The following LYPD6B variants were observed in gnomAD, a reference collection of about 807,000 sequenced individuals.
LYPD6B encodes the protein ly6/PLAUR domain-containing protein 6B.
A neutral mutation model predicts 22.8 loss-of-function variants in LYPD6B; 17 were observed. The observed-to-expected ratio is 0.75, with a 90% CI of 0.51 to 1.12. The LOEUF is 1.12. Among genes scored for constraint, LYPD6B ranks in the 50% most tolerant of loss-of-function variants. LYPD6B has a pLI of 0.00. For synonymous variants in LYPD6B, 106 were observed against 91.6 expected (o/e 1.16, Z -0.90); for missense variants, 221 against 258.3 (o/e 0.86, Z 0.99).
intron 1 of LYPD6B, among the ~76,000 whole-genome samples, chr2:149,093,134 G>T (rs1419341513): frequency 1.3e-5 from 2 of 152,220 alleles, no homozygotes; most frequent in African/African-American, 4.8e-5. Context: ...GGTTTGGAGG[G>T]CAGGGAGCAG....
In LYPD6B at chr2:149,050,783, T is replaced by C. The variant is rs148951659; in HGVS notation, c.-67+11982T>C. Among the ~76,000 whole-genome samples the C allele has an allele frequency of 1.5e-3, 235 of 152,352 alleles. 1 individual carries two copies. The highest frequency in any genetic ancestry group is 5.5e-3 in the African/African-American group (229 of 41,586). On this transcript the variant is annotated intron_variant, in intron 1 of 6. Transcript: ENST00000409642. ...CTGTTTTATATTTCTCTTTTTGCCTTGGCACCCAGGAAGCCCGGAGCTACA... is the reference window on the plus strand; with the variant it reads ...CTGTTTTATATTTCTCTTTTTGCCTCGGCACCCAGGAAGCCCGGAGCTACA...
In LYPD6B at chr2:149,205,422, C is replaced by T; in HGVS notation, c.229+18C>T. On this transcript the variant is annotated intron_variant, in intron 4 of 6. Transcript: ENST00000409642. Reference sequence around the variant, plus strand: ...TCTCGACCGTAAGTAGTGGTGGTTGCCATCCTAGTTCATGGCTGTGGGGCC... The same window carrying T: ...TCTCGACCGTAAGTAGTGGTGGTTGTCATCCTAGTTCATGGCTGTGGGGCC... The T allele has an allele frequency of 2.5e-6, 4 of 1,612,006 alleles. No individual in the cohort carries two copies. The highest frequency in any genetic ancestry group is 3.4e-6 in the Non-Finnish European group (4 of 1,178,938).
At chr2:149,148,603 C>T (rs1158267192) in intron 2 of LYPD6B, among the ~76,000 whole-genome samples, 9 of 152,172 alleles carry the variant, frequency 5.9e-5, no homozygotes, top group South Asian at 2.1e-4. Flanking sequence ...AGTTTCCAGA[C>T]GTGTGGTGTT....
At chr2:149,185,873 C>T (rs1418330458) in intron 3 of LYPD6B, among the ~76,000 whole-genome samples, 1 of 152,094 alleles carries the variant, frequency 6.6e-6, no homozygotes, top group African/African-American at 2.4e-5. Flanking sequence ...TTTGATGTTA[C>T]TATTGTAATT....
chr2:149,210,023 G>T (rs1693747374), intron 5 of LYPD6B, among the ~76,000 whole-genome samples: 1 of 152,102 alleles, frequency 6.6e-6, no homozygotes, highest in African/African-American at 2.4e-5. Flanking sequence ...GCTTTAAGTT[G>T]CCTTGAAAGC....
In LYPD6B at chr2:149,154,664, T is replaced by C. The variant is rs376809872; in HGVS notation, c.6-6100T>C. Among the ~76,000 whole-genome samples the C allele has an allele frequency of 4.9e-3, 620 of 125,752 alleles. 3 individuals carry two copies. The highest frequency in any genetic ancestry group is 0.018 in the African/African-American group (593 of 33,142). 82.5% of individuals were successfully genotyped at this position (125,752 alleles called of 152,430 possible). A position where few individuals can be genotyped will look rare whatever the true frequency, so the allele number is the denominator to read the frequency against. On this transcript the variant is annotated intron_variant, in intron 2 of 6. Transcript: ENST00000409642. Reference sequence around the variant, plus strand: ...TCCTGTTGCTGATGTTGGCAACATTTGGTGATGGGGATGGGGTGGGGTGGG... The same window carrying C: ...TCCTGTTGCTGATGTTGGCAACATTCGGTGATGGGGATGGGGTGGGGTGGG...
chr2:149,124,731 G>A (rs933194453), intron 1 of LYPD6B, among the ~76,000 whole-genome samples: 6 of 151,722 alleles, frequency 4.0e-5, no homozygotes, highest in South Asian at 2.1e-4. Context: ...TTTTTTCCCC[G>A]GCCAACAGAC....
intron 5 of LYPD6B, among the ~76,000 whole-genome samples, chr2:149,210,025 C>T (rs1693747572): frequency 6.6e-6 from 1 of 152,038 alleles, no homozygotes; most frequent in African/African-American, 2.4e-5. Flanking sequence ...TTTAAGTTGC[C>T]TTGAAAGCTG....
chr2:149,193,350 AG>A (rs1294801509), intron 3 of LYPD6B, among the ~76,000 whole-genome samples: 1 of 152,304 alleles, frequency 6.6e-6, no homozygotes, highest in African/African-American at 2.4e-5. Context: ...ACAAGCTAAA[AG>A]GGGCTATTTT....
chr2:149,199,037 G>A (rs1265521986), intron 3 of LYPD6B, among the ~76,000 whole-genome samples: 1 of 152,174 alleles, frequency 6.6e-6, no homozygotes, highest in Non-Finnish European at 1.5e-5. Flanking sequence ...GCCAGTATGC[G>A]ATGAAGCTGA....
intron 1 of LYPD6B, among the ~76,000 whole-genome samples, chr2:149,093,570 C>T (rs973979871): frequency 6.6e-6 from 1 of 152,126 alleles, no homozygotes; most frequent in Admixed American, 6.5e-5. Flanking sequence ...AGGAATTTTC[C>T]TTTGGATTTG....
At chr2:149,124,086 A>C (rs1417971506) in intron 1 of LYPD6B, among the ~76,000 whole-genome samples, 1 of 152,198 alleles carries the variant, frequency 6.6e-6, no homozygotes, top group African/African-American at 2.4e-5. Context: ...TACTGTAACC[A>C]AACAGCATAC....
intron 1 of LYPD6B, among the ~76,000 whole-genome samples, chr2:149,122,906 A>C (rs543169636): frequency 6.6e-6 from 1 of 152,202 alleles, no homozygotes; most frequent in Non-Finnish European, 1.5e-5. Context: ...GAGTACTGTG[A>C]CATGGTTTCC....
intron 3 of LYPD6B, among the ~76,000 whole-genome samples, chr2:149,175,728 T>TG (rs1421182189): frequency 6.6e-6 from 1 of 150,916 alleles, no homozygotes. Context: ...ATTTTTTTTT[T>TG]TTTTTACTTT....
intron 1 of LYPD6B, among the ~76,000 whole-genome samples, chr2:149,085,673 T>C (rs553456507): frequency 4.7e-4 from 72 of 152,360 alleles, no homozygotes; most frequent in African/African-American, 1.6e-3. Context: ...AGAATCAACA[T>C]TCTTTGAGCC....
chr2:149,214,764 CTG>C lies in LYPD6B; in HGVS notation c.*59_*60del, dbSNP rs1434991581. 1 of 1,573,320 alleles carries C rather than the reference CTG, an allele frequency of 6.4e-7. No homozygotes were observed. Among genetic ancestry groups the C allele is most frequent in the Non-Finnish European group, 8.7e-7 (1 of 1,144,076 alleles). On this transcript the variant is annotated 3_prime_UTR_variant, in exon 7 of 7. Transcript: ENST00000409642. ...CAGCCTCTAAAGCACAAGCCAAAAA[CTG>C]TGTGAACGGTGAACTTTGGAGTGAA...
chr2:149,201,561 T>C (rs1332920003), intron 3 of LYPD6B, among the ~76,000 whole-genome samples: 1 of 152,174 alleles, frequency 6.6e-6, no homozygotes, highest in Non-Finnish European at 1.5e-5. Context: ...TGTGTTTGAG[T>C]TGTGAAAAAT....
chr2:149,127,355 A>T (rs1687759689), intron 1 of LYPD6B, among the ~76,000 whole-genome samples: 2 of 152,180 alleles, frequency 1.3e-5, no homozygotes, highest in Non-Finnish European at 1.5e-5. Context: ...GAGAAGATTG[A>T]AATTTCTTGT....
chr2:149,092,128 G>C (rs1035997545), intron 1 of LYPD6B, among the ~76,000 whole-genome samples: 1 of 152,036 alleles, frequency 6.6e-6, no homozygotes, highest in Non-Finnish European at 1.5e-5. Flanking sequence ...ATATGTGTCA[G>C]GGCGGAGAGT....
Sources: allele counts gnomAD v4.1 joint callset (sites outside exome capture counted in the v4.1 genomes callset), GRCh38; gene constraint gnomAD v4.1.1; transcripts MANE v1.5; gene names NCBI Gene and HGNC (gene_info 2026-07-23, HGNC 2026-07-21).